Variants in HEATR1 observed in about 807,000 individuals in gnomAD.
HEATR1 encodes HEAT repeat-containing protein 1.
HEATR1 carries 77 observed loss-of-function variants against 248.2 expected under a neutral mutation model. The ratio of observed to expected loss-of-function variants is 0.31; its 90% CI spans 0.26 to 0.37. HEATR1 has a LOEUF of 0.37. Ranked by LOEUF, HEATR1 falls within the 10% of genes least tolerant of loss-of-function variation. The pLI, the probability that HEATR1 is intolerant of heterozygous loss-of-function variation, is 1.00. For missense variants in HEATR1, 2,420 were observed against 2,504.9 expected, an observed-to-expected ratio of 0.97 and a Z score of 0.72; for synonymous variants, 897 against 923.1, an observed-to-expected ratio of 0.97 and a Z score of 0.51.
chr1:236,595,089 G>A (rs1664136415), intron 8 of HEATR1, among the ~76,000 whole-genome samples: 2 of 149,326 alleles, frequency 1.3e-5, no homozygotes, highest in Non-Finnish European at 3.0e-5. Flanking sequence ...TTTTTGCTTT[G>A]TTTCATAATT....
At position 236,597,999 on chromosome 1, in the gene HEATR1, C is replaced by T; in HGVS notation, c.502-20G>A. The T allele has an allele frequency of 2.0e-6, 3 of 1,498,000 alleles. 1 individual carries two copies. Among genetic ancestry groups the T allele is most frequent in the South Asian group, 2.3e-5 (2 of 88,090 alleles). 92.8% of individuals were successfully genotyped at this position (1,498,000 alleles called of 1,614,324 possible). On this transcript the variant is annotated intron_variant, in intron 4 of 44. Coordinates refer to ENST00000366582, the MANE Select transcript of HEATR1 (RefSeq NM_018072.6). ...AGATTGCTGTTATTGATGGAAAGAA[C>T]AAACTACTAGCAACATTCATCAACT... is the stretch of plus-strand genomic sequence containing the variant.
intron 16 of HEATR1, 119 bp downstream of exon 16, chr1:236,585,701 A>G (rs748606676): frequency 7.3e-6 from 6 of 820,118 alleles, no homozygotes; most frequent in Non-Finnish European, 1.1e-5. Flanking sequence ...TTAAAGTAAA[A>G]CCAAGTACTC....
At chr1:236,562,886 G>A (rs1663169160) in intron 32 of HEATR1, among the ~76,000 whole-genome samples, 1 of 151,860 alleles carries the variant, frequency 6.6e-6, no homozygotes, top group Admixed American at 6.6e-5. Flanking sequence ...GTATTATACA[G>A]GAAATCTTTT....
intron 7 of HEATR1, 27 bp from the exon 8 acceptor site, chr1:236,595,700 T>C (rs369948709): frequency 1.9e-6 from 3 of 1,599,640 alleles, no homozygotes; most frequent in African/African-American, 2.7e-5. Flanking sequence ...GTACATATCG[T>C]GTTGACTTTA....
intron 8 of HEATR1, among the ~76,000 whole-genome samples, chr1:236,595,299 A>G (rs908947151): frequency 5.3e-5 from 8 of 152,306 alleles, no homozygotes; most frequent in Admixed American, 5.2e-4. Flanking sequence ...CTATTTAAGT[A>G]TTTAAGAACA....
intron 35 of HEATR1, 104 bp downstream of exon 35, chr1:236,558,891 A>G: frequency 1.0e-6 from 1 of 968,248 alleles, no homozygotes. Context: ...AAAATAATAT[A>G]CTTCAATTTG....
At chr1:236,597,100 G>A in intron 5 of HEATR1, 124 bp from the exon 6 acceptor site, 3 of 682,500 alleles carry the variant, frequency 4.4e-6, no homozygotes, top group Non-Finnish European at 6.6e-6. Context: ...ACTCTAGCCT[G>A]GGCGACAAAG....
In HEATR1 at chr1:236,555,671, C is replaced by G; in HGVS notation, c.5650-16G>C. 6.2e-7 allele frequency: 1 copy of G among 1,612,482 alleles called. No homozygotes were observed. The highest frequency in any genetic ancestry group is 1.3e-5 in the African/African-American group (1 of 74,998). ...CCAGATCGTTCTGAAAACAGAAGAG[C>G]CCATTTATTAGAGTGCTGATACCTG... On this transcript the variant is annotated splice_polypyrimidine_tract_variant and intron_variant, in intron 39 of 44. Coordinates refer to ENST00000366582, the MANE Select transcript of HEATR1 (RefSeq NM_018072.6).
chr1:236,582,925 G>A, intron 18 of HEATR1, 53 bp from the exon 19 acceptor site: 2 of 1,607,508 alleles, frequency 1.2e-6, no homozygotes, highest in Non-Finnish European at 1.7e-6. Context: ...AACATGCTGG[G>A]AGCTTTTTAT....
At chr1:236,572,365 G>A (rs1663451561) in intron 26 of HEATR1, 46 bp downstream of exon 26, 1 of 1,589,306 alleles carries the variant, frequency 6.3e-7, no homozygotes, top group Non-Finnish European at 8.6e-7. Flanking sequence ...AGATGGGCAA[G>A]AATTAGAGTC....
chr1:236,580,757 T>C (rs1042796770), intron 20 of HEATR1, among the ~76,000 whole-genome samples: 5 of 151,802 alleles, frequency 3.3e-5, no homozygotes, highest in Non-Finnish European at 7.4e-5. Context: ...CCTCAAGTGA[T>C]CCTCCTGCCT....
chr1:236,582,630 T>C, intron 19 of HEATR1, 106 bp downstream of exon 19: 2 of 1,145,188 alleles, frequency 1.7e-6, no homozygotes, highest in Non-Finnish European at 2.6e-6. Flanking sequence ...ATTGAACTCC[T>C]GACCTCAAGT....
intron 23 of HEATR1, 41 bp downstream of exon 23, chr1:236,574,620 T>C (rs375479073): frequency 5.7e-6 from 9 of 1,576,862 alleles, no homozygotes; most frequent in Admixed American, 5.7e-5. Context: ...CTTTAAATGC[T>C]TGAACATGCT....
At chr1:236,569,277 G>A (rs767356822) in intron 28 of HEATR1, among the ~76,000 whole-genome samples, 153 bp from the exon 29 acceptor site, 1 of 152,072 alleles carries the variant, frequency 6.6e-6, no homozygotes, top group Non-Finnish European at 1.5e-5. Flanking sequence ...CTAAGCTCAA[G>A]CAATCCTTCC....
chr1:236,558,826 T>C (rs1439690788), intron 35 of HEATR1, among the ~76,000 whole-genome samples, 169 bp downstream of exon 35: 4 of 152,228 alleles, frequency 2.6e-5, no homozygotes, highest in Non-Finnish European at 4.4e-5. Flanking sequence ...AACACACATA[T>C]ATTCCCGTTA....
At chr1:236,585,322 A>T (rs1403294512) in intron 16 of HEATR1, 106 bp from the exon 17 acceptor site, 2 of 881,736 alleles carry the variant, frequency 2.3e-6, no homozygotes, top group Non-Finnish European at 1.7e-6. Flanking sequence ...TTAAAGTGAG[A>T]TGACAAACAG....
chr1:236,602,895 G>T, intron 3 of HEATR1: 1 of 337,038 alleles, frequency 3.0e-6, no homozygotes, highest in Non-Finnish European at 5.5e-6. Flanking sequence ...TTGCACTCCA[G>T]CCTGAGTGCC....
chr1:236,558,802 C>T (rs924856746), intron 35 of HEATR1, among the ~76,000 whole-genome samples, 193 bp downstream of exon 35: 1 of 152,202 alleles, frequency 6.6e-6, no homozygotes, highest in African/African-American at 2.4e-5. Flanking sequence ...AAATTCCATT[C>T]TAAGAGCTCT....
chr1:236,564,031 T>C (rs534544045), intron 32 of HEATR1, among the ~76,000 whole-genome samples: 2 of 152,210 alleles, frequency 1.3e-5, no homozygotes, highest in South Asian at 2.1e-4. Context: ...GGCAAGAGGA[T>C]TGCTTGAGCC....
Sources: gnomAD v4.1 joint callset for allele counts (sites outside exome capture counted in the v4.1 genomes callset) on GRCh38, gnomAD v4.1.1 for gene constraint, MANE v1.5 for transcripts, NCBI Gene and HGNC (gene_info 2026-07-23, HGNC 2026-07-21) for gene names.